CACNG4: variants seen among roughly 807,000 people sequenced by gnomAD.
The protein encoded by CACNG4 is voltage-dependent calcium channel gamma-4 subunit.
CACNG4 carries 8 observed loss-of-function variants against 22.9 expected under a neutral mutation model. The ratio of observed to expected loss-of-function variants is 0.35; its 90% confidence interval spans 0.21 to 0.63. The LOEUF is 0.63. Ranked by LOEUF, CACNG4 falls within the 30% of genes least tolerant of loss-of-function variation. The pLI, the probability that CACNG4 is intolerant of heterozygous loss-of-function variation, is 0.72. For synonymous variants in CACNG4, 188 were observed against 191.9 expected (o/e 0.98, Z 0.17); for missense variants, 357 against 455.4 (o/e 0.78, Z 1.97).
In CACNG4 at chr17:67,031,139, C is replaced by T. The variant is rs1398276303; in HGVS notation, c.*135C>T. On this transcript the variant is annotated 3_prime_UTR_variant, in exon 4 of 4. Coordinates refer to ENST00000262138, the MANE Select transcript of CACNG4 (RefSeq NM_014405.4). The surrounding 1 kb of genome is among the most constrained non-coding windows in gnomAD (Gnocchi z 4.0). ...AGCCCTCCCTGGCCTCCAGAGGTGG[C>T]GTGGGCTGGCTTTGCACGAAGGTTG... The T allele has an allele frequency of 1.4e-5, 14 of 973,002 alleles. No individual in the cohort carries two copies. The Admixed American group carries it at 2.0e-4, about 14-fold the overall frequency. The allele number at this position is 973,002 out of a possible 1,614,324, so 60.3% of individuals were successfully genotyped here. A position where few individuals can be genotyped will look rare whatever the true frequency, so the allele number is the denominator to read the frequency against.
Position 67,032,690 on chromosome 17 carries a change from G to A in CACNG4, c.*1686G>A, listed in dbSNP as rs968946425. 1 of 154,176 alleles carries A rather than the reference G, an allele frequency of 6.5e-6. No homozygotes were observed. The highest frequency in any genetic ancestry group is 1.4e-5 in the Non-Finnish European group (1 of 69,410). The allele number at this position is 154,176 out of a possible 1,614,324, so 9.6% of individuals were successfully genotyped here. On this transcript the variant is annotated 3_prime_UTR_variant, in exon 4 of 4. Coordinates refer to ENST00000262138, the MANE Select transcript of CACNG4 (RefSeq NM_014405.4). ...AAATGAGGCCTGCCAGGGCCCCTGTGTGCTGTGCTCCAGAGCCTTCGCTCC... is the reference window on the plus strand; with the variant it reads ...AAATGAGGCCTGCCAGGGCCCCTGTATGCTGTGCTCCAGAGCCTTCGCTCC...
rs2035597845 is a variant in CACNG4, at chr17:67,030,635, T to A, written c.615T>A (p.Ile205=). 1 of 1,614,156 alleles carries A rather than the reference T, an allele frequency of 6.2e-7. No homozygotes were observed. Reference sequence around the variant, plus strand: ...CCGTGGGCGTCCTGGCTGTAAACATTTACATTGAGAAAAATAAAGAGTTGA... The same window carrying A: ...CCGTGGGCGTCCTGGCTGTAAACATATACATTGAGAAAAATAAAGAGTTGA... The part of the protein sequence containing the change: ...AETVGVLAVN[I]YIEKNKELRF... Residue 205 remains isoleucine (I), a synonymous_variant, in exon 4 of 4, where the codon ATT becomes ATA. Coordinates refer to ENST00000262138, the MANE Select transcript of CACNG4 (RefSeq NM_014405.4). The surrounding 1 kb of genome is among the most constrained non-coding windows in gnomAD (Gnocchi z 6.4).
chr17:67,019,024 T>C (rs2035516735), intron 2 of CACNG4, among the ~76,000 whole-genome samples: 1 of 152,122 alleles, frequency 6.6e-6, no homozygotes, highest in African/African-American at 2.4e-5. Flanking sequence ...GGGAGGAGCC[T>C]GCAAATAGAA....
At chr17:66,968,140 A>G (rs2035181661) in intron 1 of CACNG4, among the ~76,000 whole-genome samples, 1 of 151,928 alleles carries the variant, frequency 6.6e-6, no homozygotes, top group Non-Finnish European at 1.5e-5. Context: ...GGACTTGCCC[A>G]GAGGCGCCCA....
intron 3 of CACNG4, among the ~76,000 whole-genome samples, chr17:67,029,661 A>C (rs201738037): frequency 4.5e-5 from 6 of 132,060 alleles, no homozygotes; most frequent in East Asian, 2.7e-4. Flanking sequence ...AACAAACAAA[A>C]ACAAACAAAT....
intron 1 of CACNG4, among the ~76,000 whole-genome samples, chr17:67,017,949 G>A (rs943380853): frequency 3.3e-5 from 5 of 151,910 alleles, no homozygotes; most frequent in Admixed American, 6.6e-5. Flanking sequence ...TTACTCTCAC[G>A]TGCGTCCACC....
rs757682065 is a variant in CACNG4 at position 67,030,642 on chromosome 17, G to A, written c.622G>A (p.Glu208Lys). ...CGTCCTGGCTGTAAACATTTACATTGAGAAAAATAAAGAGTTGAGGTTTAA... is the reference window on the plus strand; with the variant it reads ...CGTCCTGGCTGTAAACATTTACATTAAGAAAAATAAAGAGTTGAGGTTTAA... ...VGVLAVNIYIEKNKELRFKTK... is the reference protein window; with the variant it reads ...VGVLAVNIYIKKNKELRFKTK... Residue 208 changes from glutamate (E) to lysine (K), a missense_variant, in exon 4 of 4, where the codon GAG (glutamate) becomes AAG (lysine). Coordinates refer to ENST00000262138, the MANE Select transcript of CACNG4 (RefSeq NM_014405.4). The surrounding 1 kb of genome is among the most constrained non-coding windows in gnomAD (Gnocchi z 6.4). 1.2e-6 allele frequency: 2 copies of A among 1,614,226 alleles called. No individual in the cohort carries two copies. The highest frequency in any genetic ancestry group is 1.7e-6 in the Non-Finnish European group (2 of 1,180,040).
At chr17:66,965,714 G>A (rs975558512) in intron 1 of CACNG4, among the ~76,000 whole-genome samples, 4 of 146,724 alleles carry the variant, frequency 2.7e-5, no homozygotes, top group African/African-American at 1.0e-4. Flanking sequence ...AGAAGTAGGG[G>A]CAGAAGTAGG....
chr17:67,023,189 G>A (rs559683061), intron 2 of CACNG4, among the ~76,000 whole-genome samples: 7 of 150,332 alleles, frequency 4.7e-5, no homozygotes, highest in Admixed American at 1.3e-4. Context: ...GATGCTCGTC[G>A]TTGGATCTAG....
intron 1 of CACNG4, among the ~76,000 whole-genome samples, chr17:66,997,721 G>A (rs935963426): frequency 6.6e-6 from 1 of 152,184 alleles, no homozygotes; most frequent in Non-Finnish European, 1.5e-5. Context: ...GGAAGCTGAG[G>A]CAGGAGGATC....
intron 1 of CACNG4, among the ~76,000 whole-genome samples, chr17:67,004,165 C>G (rs2035423951): frequency 6.6e-6 from 1 of 152,256 alleles, no homozygotes; most frequent in African/African-American, 2.4e-5. Context: ...CAACAACAAC[C>G]CTTAGTACTG....
rs954630310 is a variant in CACNG4 at position 67,030,482 on chromosome 17, C to T, written c.462C>T (p.Ile154=). 7.4e-6 allele frequency: 12 copies of T among 1,613,570 alleles called. No individual in the cohort carries two copies. The highest frequency in any genetic ancestry group is 1.7e-5 in the Admixed American group (1 of 59,962). Residue 154 remains isoleucine, a synonymous_variant, in exon 4 of 4, where the codon ATC becomes ATT. Coordinates refer to ENST00000262138, the MANE Select transcript of CACNG4 (RefSeq NM_014405.4). The surrounding 1 kb of genome is among the most constrained non-coding windows in gnomAD (Gnocchi z 6.4). ...CCCTTTCAGGCCTCAGTAACATCAT[C>T]GGTATCATCGTCTACATTTCCAGCA... ...LFVAAGLSNI[I]GIIVYISSNT... is the part of the protein sequence containing the mutation.
chr17:66,982,174 G>T (rs572720181), intron 1 of CACNG4, among the ~76,000 whole-genome samples: 1 of 152,226 alleles, frequency 6.6e-6, no homozygotes. Flanking sequence ...CCACGAGTGG[G>T]AGGAGACCCA....
chr17:67,028,662 T>G (rs2035583567), intron 3 of CACNG4, among the ~76,000 whole-genome samples: 1 of 152,218 alleles, frequency 6.6e-6, no homozygotes. Flanking sequence ...TATCAGCTCA[T>G]TTAATCCTCA....
At chr17:67,025,622 A>G (rs1379958596) in intron 3 of CACNG4, among the ~76,000 whole-genome samples, 11 of 152,242 alleles carry the variant, frequency 7.2e-5, no homozygotes, top group Non-Finnish European at 1.6e-4. Flanking sequence ...AGGCAGCAGC[A>G]CCTCAGAGCC....
chr17:67,004,838 C>A (rs2035428147), intron 1 of CACNG4, among the ~76,000 whole-genome samples: 1 of 152,158 alleles, frequency 6.6e-6, no homozygotes, highest in Admixed American at 6.5e-5. Context: ...ATTCTCCCAC[C>A]TCAACCTCCC....
intron 1 of CACNG4, among the ~76,000 whole-genome samples, chr17:66,993,766 C>G (rs888127257): frequency 6.6e-6 from 1 of 152,102 alleles, no homozygotes; most frequent in Non-Finnish European, 1.5e-5. Context: ...CCACCATGCC[C>G]GGCTAACTTT....
At chr17:66,996,743 C>T (rs1294925625) in intron 1 of CACNG4, among the ~76,000 whole-genome samples, 1 of 152,124 alleles carries the variant, frequency 6.6e-6, no homozygotes, top group Non-Finnish European at 1.5e-5. Flanking sequence ...GGTTTAAAGA[C>T]AAGTCAGTCT....
At chr17:66,985,796 T>A (rs556036986) in intron 1 of CACNG4, among the ~76,000 whole-genome samples, 1 of 152,006 alleles carries the variant, frequency 6.6e-6, no homozygotes, top group Non-Finnish European at 1.5e-5. Flanking sequence ...TGTGTGGAAA[T>A]GCGTTAAGTG....
Sources: gnomAD v4.1 joint callset for allele counts (sites outside exome capture counted in the v4.1 genomes callset) on GRCh38, gnomAD v4.1.1 for gene constraint, Gnocchi (gnomAD v3.1) non-coding constraint, MANE v1.5 for transcripts, NCBI Gene and HGNC (gene_info 2026-07-23, HGNC 2026-07-21) for gene names.